SORBS2: variants seen among roughly 807,000 people sequenced by gnomAD.
The protein encoded by SORBS2 is sorbin and SH3 domain containing 2, also known as sorbin and SH3 domain-containing protein 2.
SORBS2 carries 46 observed loss-of-function variants against 97.7 expected under a neutral mutation model. That is an observed-to-expected ratio of 0.47 (90% CI 0.37 to 0.60). SORBS2 has a LOEUF of 0.60. Ranked by LOEUF, SORBS2 falls within the 20% of genes least tolerant of loss-of-function variation. The pLI, the probability that SORBS2 is intolerant of heterozygous loss-of-function variation, is 0.00. For missense variants in SORBS2, 1,316 were observed against 1,282.3 expected, an observed-to-expected ratio of 1.03 and a Z score of -0.40; for synonymous variants, 476 against 473.4, an observed-to-expected ratio of 1.01 and a Z score of -0.07.
chr4:185,679,737 C>T (rs899092674), intron 2 of SORBS2, among the ~76,000 whole-genome samples: 4 of 152,200 alleles, frequency 2.6e-5, no homozygotes, highest in African/African-American at 9.7e-5. Flanking sequence ...ACGTGTTCCC[C>T]AGGACCATTA....
At chr4:185,591,632 G>C (rs1435700854) in intron 13 of SORBS2, among the ~76,000 whole-genome samples, 1 of 152,138 alleles carries the variant, frequency 6.6e-6, no homozygotes, top group African/African-American at 2.4e-5. Context: ...AGAGATGGTG[G>C]TTCCTGGGCT....
Position 185,749,153 on chromosome 4 carries a change from C to G in SORBS2, c.-198+26074G>C, listed in dbSNP as rs190190574. On this transcript the variant is annotated intron_variant, in intron 2 of 20. Transcript: ENST00000284776. ...CCCAGCTAACCACTGGAGTGGTGTT[C>G]AGGGAGGGTTTGGGATGTGGATGCT... Among the ~76,000 whole-genome samples the G allele has an allele frequency of 2.8e-4, 42 of 152,260 alleles. 1 individual carries two copies. The highest frequency in any genetic ancestry group is 3.7e-4 in the Non-Finnish European group (25 of 68,024).
chr4:185,696,307 C>G (rs1002417948), intron 2 of SORBS2, among the ~76,000 whole-genome samples: 7 of 152,142 alleles, frequency 4.6e-5, no homozygotes, highest in Non-Finnish European at 7.3e-5. Flanking sequence ...AAATACTTAT[C>G]AATTTTCCCT....
rs1357282607 is a variant in SORBS2 at position 185,702,418 on chromosome 4, A to G, written c.-197-23596T>C. Among the ~76,000 whole-genome samples the G allele has an allele frequency of 2.0e-5, 3 of 152,174 alleles. No individual in the cohort carries two copies. The East Asian group carries it at 5.8e-4, about 29-fold the overall frequency. On this transcript the variant is annotated intron_variant, in intron 2 of 20. Coordinates refer to the SORBS2 transcript ENST00000284776. ...CTCCCCCAGGAATGAATAGAGCAAGAACTCACTCACTCTCCCTCTGCCAGG... is the reference window on the plus strand; with the variant it reads ...CTCCCCCAGGAATGAATAGAGCAAGGACTCACTCACTCTCCCTCTGCCAGG...
chr4:185,638,785 G>A (rs982292518), intron 4 of SORBS2, 92 bp downstream of exon 14: 3 of 1,241,220 alleles, frequency 2.4e-6, no homozygotes, highest in Admixed American at 7.7e-5. Flanking sequence ...AGCGGGACCC[G>A]GGGGAGTGGG....
chr4:185,909,620 C>T (rs1016028049), intron 1 of SORBS2, among the ~76,000 whole-genome samples: 6 of 152,076 alleles, frequency 3.9e-5, no homozygotes, highest in African/African-American at 9.7e-5. Context: ...GCTTTATCAT[C>T]GCATAAATGT....
chr4:185,886,246 T>C (rs1173280685), intron 1 of SORBS2, among the ~76,000 whole-genome samples: 1 of 152,132 alleles, frequency 6.6e-6, no homozygotes, highest in Non-Finnish European at 1.5e-5. Flanking sequence ...TAAGGTGTTC[T>C]AGGCTGCAAT....
At chr4:185,665,285 A>G (rs768607600) in intron 4 of SORBS2, among the ~76,000 whole-genome samples, 1 of 152,240 alleles carries the variant, frequency 6.6e-6, no homozygotes, top group Non-Finnish European at 1.5e-5. Flanking sequence ...TCATGCAGTC[A>G]GTAATCATTT....
chr4:185,670,375 T>C (rs868751274), intron 4 of SORBS2, among the ~76,000 whole-genome samples: 12 of 152,170 alleles, frequency 7.9e-5, no homozygotes, highest in Non-Finnish European at 1.3e-4. Context: ...AAAACAGGTA[T>C]AAGGAAGCAC....
At chr4:185,943,760 A>G (rs2099273225) in intron 1 of SORBS2, among the ~76,000 whole-genome samples, 1 of 152,238 alleles carries the variant, frequency 6.6e-6, no homozygotes. Context: ...TTAGAAAACT[A>G]TTAATTTTCT....
At chr4:185,666,091 C>T (rs1280567522) in intron 4 of SORBS2, 15 of 1,289,530 alleles carry the variant, frequency 1.2e-5, no homozygotes, top group East Asian at 5.5e-5. Flanking sequence ...GAAAGTGGCT[C>T]GGTTCAAAGG....
At chr4:185,600,554 G>A (rs1178709147) in intron 12 of SORBS2, among the ~76,000 whole-genome samples, 1 of 152,166 alleles carries the variant, frequency 6.6e-6, no homozygotes, top group Non-Finnish European at 1.5e-5. Flanking sequence ...GGTCAGGCTG[G>A]TCTTGAACTC....
At chr4:185,835,963 T>A (rs1000732300) in intron 1 of SORBS2, among the ~76,000 whole-genome samples, 2 of 152,050 alleles carry the variant, frequency 1.3e-5, no homozygotes, top group African/African-American at 4.8e-5. Context: ...CCCAAAATAG[T>A]GAATGTAAAT....
At chr4:185,735,865 A>G (rs2098682722) in intron 2 of SORBS2, among the ~76,000 whole-genome samples, 1 of 152,210 alleles carries the variant, frequency 6.6e-6, no homozygotes, top group African/African-American at 2.4e-5. Flanking sequence ...TTTAAATTTT[A>G]TTTTTAATAT....
intron 1 of SORBS2, among the ~76,000 whole-genome samples, chr4:185,891,753 A>G (rs1176577239): frequency 6.6e-6 from 1 of 152,164 alleles, no homozygotes; most frequent in Non-Finnish European, 1.5e-5. Context: ...TCTTGTGCCA[A>G]TTAAACTATT....
At chr4:185,920,801 A>G (rs184940073) in intron 1 of SORBS2, among the ~76,000 whole-genome samples, 42 of 152,362 alleles carry the variant, frequency 2.8e-4, no homozygotes, top group Admixed American at 1.6e-3. Context: ...AAAGTGAAAG[A>G]AAAAGTGAGA....
chr4:185,655,024 A>C (rs1236706499), intron 1 of SORBS2, among the ~76,000 whole-genome samples: 3 of 152,216 alleles, frequency 2.0e-5, no homozygotes, highest in Non-Finnish European at 4.4e-5. Context: ...AGTAGAAGAA[A>C]AGAATCTTGT....
At chr4:185,790,139 A>G (rs535217994) in intron 1 of SORBS2, among the ~76,000 whole-genome samples, 60 of 151,540 alleles carry the variant, frequency 4.0e-4, no homozygotes, top group Non-Finnish European at 5.9e-4. Flanking sequence ...TTTTAATAGC[A>G]TAGTGTTGGA....
chr4:185,881,999 T>A (rs1456415084), intron 1 of SORBS2, among the ~76,000 whole-genome samples: 1 of 152,226 alleles, frequency 6.6e-6, no homozygotes, highest in Non-Finnish European at 1.5e-5. Flanking sequence ...TAGACACTAA[T>A]ATTTCATTTG....
Sources: gnomAD v4.1 joint callset for allele counts (sites outside exome capture counted in the v4.1 genomes callset) on GRCh38, gnomAD v4.1.1 for gene constraint, MANE v1.5 for transcripts, NCBI Gene and HGNC (gene_info 2026-07-23, HGNC 2026-07-21) for gene names.